SGO2: variants seen among roughly 807,000 people sequenced by gnomAD.
SGO2 encodes the protein shugoshin 2.
SGO2 carries 68 observed loss-of-function variants against 99.5 expected under a neutral mutation model. That is an observed-to-expected ratio of 0.68 (90% CI 0.56 to 0.84). The LOEUF (loss-of-function observed/expected upper bound fraction) is 0.84. Among genes scored for constraint, SGO2 ranks in the 40% least tolerant of loss-of-function variants. The pLI, the probability that SGO2 is intolerant of heterozygous loss-of-function variation, is 0.00. For synonymous variants in SGO2, 457 were observed against 487.1 expected (o/e 0.94, Z 0.81); for missense variants, 1,350 against 1,436.7 (o/e 0.94, Z 0.97).
At chr2:200,529,733 G>A (rs570783944) in intron 1 of SGO2, among the ~76,000 whole-genome samples, 8 of 152,142 alleles carry the variant, frequency 5.3e-5, no homozygotes, top group African/African-American at 1.9e-4. Flanking sequence ...TCACCATGTT[G>A]GCTGGGCTGG....
intron 5 of SGO2, among the ~76,000 whole-genome samples, chr2:200,554,854 A>T (rs1048219004): frequency 1.3e-5 from 2 of 152,210 alleles, no homozygotes; most frequent in African/African-American, 4.8e-5. Flanking sequence ...ATTCAATCTT[A>T]ATCAGTTTGA....
chr2:200,583,569 T>C lies in SGO2; in HGVS notation c.*105T>C. 1 of 1,064,172 alleles carries C rather than the reference T, an allele frequency of 9.4e-7. No homozygotes were observed. 65.9% of individuals were successfully genotyped at this position (1,064,172 alleles called of 1,614,324 possible). A position where few individuals can be genotyped will look rare whatever the true frequency, so the allele number is the denominator to read the frequency against. On this transcript the variant is annotated 3_prime_UTR_variant, in exon 9 of 9. Transcript: ENST00000357799. ...AATGCTTAATGAAAAGGTTTTTTTT[T>C]TGTTTCTTTGGCCTTTCATGGAGTG...
intron 5 of SGO2, among the ~76,000 whole-genome samples, chr2:200,545,832 G>A (rs924625400): frequency 6.6e-6 from 1 of 152,182 alleles, no homozygotes; most frequent in Admixed American, 6.5e-5. Flanking sequence ...AACTGTCCTT[G>A]CCTTAACTGA....
In SGO2 at chr2:200,571,213, TC is replaced by T. The variant is rs1443836215; in HGVS notation, c.870del (p.Cys291ValfsTer5). 6.2e-7 allele frequency: 1 copy of T among 1,613,624 alleles called. No homozygotes were observed. The highest frequency in any genetic ancestry group is 8.5e-7 in the Non-Finnish European group (1 of 1,179,670). On this transcript the variant is annotated frameshift_variant, in exon 7 of 9. Coordinates refer to ENST00000357799, the MANE Select transcript of SGO2 (RefSeq NM_152524.6). LOFTEE classifies it high-confidence loss of function. ...AATCAAATAATCTTTCTGCAGACACTCCCTGTGCAACAGTTTTAGATAAACA... is the reference window on the plus strand; with the variant it reads ...AATCAAATAATCTTTCTGCAGACACTCCTGTGCAACAGTTTTAGATAAACA... ...WESNNLSADT[P>X]CATVLDKQHI...
intron 5 of SGO2, among the ~76,000 whole-genome samples, chr2:200,544,348 C>T (rs536484218): frequency 6.6e-6 from 1 of 152,352 alleles, no homozygotes; most frequent in East Asian, 1.9e-4. Context: ...GTGGCACGAT[C>T]TTGGCTCACT....
intron 8 of SGO2, among the ~76,000 whole-genome samples, chr2:200,581,347 T>G (rs1320917694): frequency 1.8e-4 from 28 of 152,286 alleles, no homozygotes; most frequent in Non-Finnish European, 2.2e-4. Flanking sequence ...TGTGTTTCCA[T>G]GTATCTCCTG....
chr2:200,542,687 C>G lies in SGO2; in HGVS notation c.473+23C>G. The G allele has an allele frequency of 1.9e-6, 3 of 1,577,216 alleles. No individual in the cohort carries two copies. In the South Asian group the frequency reaches 3.3e-5, roughly 18 times the overall value. On this transcript the variant is annotated intron_variant, in intron 5 of 8. Coordinates refer to ENST00000357799, the MANE Select transcript of SGO2 (RefSeq NM_152524.6). ...AAGGTAAATATGGGCTTGAATTACA[C>G]TAGTTCAGAGTATATAGATTTTATA...
intron 5 of SGO2, among the ~76,000 whole-genome samples, chr2:200,556,887 G>A (rs2032742311): frequency 6.6e-6 from 1 of 152,196 alleles, no homozygotes. Flanking sequence ...GAGATTGCCT[G>A]TGGCAAAGTG....
rs2031105899 is a variant in SGO2, at chr2:200,526,614, A to G, written c.-3+362A>G. On this transcript the variant is annotated intron_variant, in intron 1 of 8. Transcript: ENST00000357799. This position sits in a 1 kb window ranked among gnomAD's most constrained non-coding sequence, Gnocchi z 4.8. ...CGCTCAGTACGTGTCTGCGGAATGA[A>G]TGTTAGGGACTGCGTGCCAAAGTTC... Among the ~76,000 whole-genome samples, 1 of 152,010 alleles carries G rather than the reference A, an allele frequency of 6.6e-6. No individual in the cohort carries two copies. Among genetic ancestry groups the G allele is most frequent in the South Asian group, 2.1e-4 (1 of 4,802 alleles).
chr2:200,544,692 GATCTATCTATCTATCTATCT>G (rs71022322), intron 5 of SGO2, among the ~76,000 whole-genome samples: 3 of 145,656 alleles, frequency 2.1e-5, no homozygotes, highest in Non-Finnish European at 4.6e-5. Context: ...TTACTTGGGA[GATCTATCTATCTATCTATCT>G]ATCTATCTAT....
At position 200,570,205 on chromosome 2, in the gene SGO2, C is replaced by CT; in HGVS notation, c.703+320dup. The stretch of plus-strand genomic sequence containing the variant: ...CCATATATTTACTTAGTTTTACCCT[C>CT]TTTTTTTGTAGATATGAAAATTGGG... On this transcript the variant is annotated intron_variant, in intron 6 of 8. Transcript: ENST00000357799. This position sits in a 1 kb window ranked among gnomAD's most constrained non-coding sequence, Gnocchi z 4.4. 6.3e-6 allele frequency: 2 copies of CT among 317,792 alleles called. No homozygotes were observed. The highest frequency in any genetic ancestry group is 4.9e-5 in the East Asian group (1 of 20,454). The allele number at this position is 317,792 out of a possible 1,614,324, so 19.7% of individuals were successfully genotyped here. A position where few individuals can be genotyped will look rare whatever the true frequency, so the allele number is the denominator to read the frequency against.
intron 4 of SGO2, among the ~76,000 whole-genome samples, chr2:200,539,975 C>T (rs58536537): frequency 0.31 from 46,092 of 150,982 alleles, 7,407 homozygotes; most frequent in Non-Finnish European, 0.36. Flanking sequence ...TCTTTCCCCC[C>T]TTTTTTTCTC....
Position 200,573,319 on chromosome 2 carries a change from A to C in SGO2, c.2973A>C (p.Ser991=), listed in dbSNP as rs2033526244. The stretch of plus-strand genomic sequence containing the variant: ...TTAAAAAACGTAAGAAAGAATCATC[A>C]TGCAAGGCAAAGAACATTTTGACAA... ...KVVKKRKKES[S]CKAKNILTKA... Residue 991 remains serine, a synonymous_variant, in exon 7 of 9, where the codon TCA becomes TCC. Coordinates refer to ENST00000357799, the MANE Select transcript of SGO2 (RefSeq NM_152524.6). 1 of 1,605,478 alleles carries C rather than the reference A, an allele frequency of 6.2e-7. No homozygotes were observed. Among genetic ancestry groups the C allele is most frequent in the South Asian group, 1.1e-5 (1 of 88,350 alleles).
rs1368557371 is a variant in SGO2 at position 200,572,643 on chromosome 2, C to T, written c.2297C>T (p.Thr766Ile). 6.2e-7 allele frequency: 1 copy of T among 1,612,390 alleles called. No homozygotes were observed. The highest frequency in any genetic ancestry group is 8.5e-7 in the Non-Finnish European group (1 of 1,179,284). Residue 766 changes from threonine (T) to isoleucine (I), a missense_variant, in exon 7 of 9, where the codon ACA (threonine) becomes ATA (isoleucine). Physicochemically the swap from Thr to Ile is moderately conservative, Grantham distance 89. Transcript: ENST00000357799. ...CTAGAAGACCCAAGTGAGTTTGAAA[C>T]ACCTGCTCTTTCTACCAAAGATAGT... ...GNLEDPSEFE[T>I]PALSTKDSGN...
intron 5 of SGO2, among the ~76,000 whole-genome samples, chr2:200,551,286 A>C (rs1195978548): frequency 6.6e-6 from 1 of 152,210 alleles, no homozygotes; most frequent in Non-Finnish European, 1.5e-5. Flanking sequence ...ACAATGGCGT[A>C]TTATTCAGTC....
chr2:200,536,878 C>T (rs962752053), intron 4 of SGO2, among the ~76,000 whole-genome samples: 11 of 152,084 alleles, frequency 7.2e-5, no homozygotes, highest in Non-Finnish European at 1.5e-4. Flanking sequence ...TGCTTTTGTC[C>T]GCCTTCAGCT....
Position 200,570,021 on chromosome 2 carries a change from G to T in SGO2, c.703+129G>T. 1.6e-6 allele frequency: 1 copy of T among 627,938 alleles called. No individual in the cohort carries two copies. Among genetic ancestry groups the T allele is most frequent in the South Asian group, 2.2e-5 (1 of 45,330 alleles). 38.9% of individuals were successfully genotyped at this position (627,938 alleles called of 1,614,324 possible). A position where few individuals can be genotyped will look rare whatever the true frequency, so the allele number is the denominator to read the frequency against. The stretch of plus-strand genomic sequence containing the variant: ...TTATGTTACCGATTTGCTAACTTCT[G>T]CCATTTAAAACTGCTGGTGATAGAT... On this transcript the variant is annotated intron_variant, in intron 6 of 8. Coordinates refer to ENST00000357799, the MANE Select transcript of SGO2 (RefSeq NM_152524.6). The surrounding 1 kb of genome is among the most constrained non-coding windows in gnomAD (Gnocchi z 4.4).
At chr2:200,571,025 A>G (rs2033393197) in intron 6 of SGO2, 25 bp from the exon 7 acceptor site, 1 of 1,524,016 alleles carries the variant, frequency 6.6e-7, no homozygotes, top group Non-Finnish European at 8.8e-7. Flanking sequence ...CTTGTTTCTG[A>G]GTTTTGTTTT....
chr2:200,572,761 TAAG>T lies in SGO2; in HGVS notation c.2419_2421del (p.Lys807del). ...CTTGTCAAAATGATTCAAAAATAGG[TAAG>T]AAGCCTAGACTAAATGTATGTCAAA... is the stretch of plus-strand genomic sequence containing the variant. On this transcript the variant is annotated inframe_deletion, in exon 7 of 9. Transcript: ENST00000357799. 1 of 1,612,926 alleles carries T rather than the reference TAAG, an allele frequency of 6.2e-7. No homozygotes were observed. The highest frequency in any genetic ancestry group is 8.5e-7 in the Non-Finnish European group (1 of 1,179,402).
Sources: gnomAD v4.1 joint callset for allele counts (sites outside exome capture counted in the v4.1 genomes callset) on GRCh38, gnomAD v4.1.1 for gene constraint, Gnocchi (gnomAD v3.1) non-coding constraint, MANE v1.5 for transcripts, NCBI Gene and HGNC (gene_info 2026-07-23, HGNC 2026-07-21) for gene names.